KCNMA1: variants seen among roughly 807,000 people sequenced by gnomAD.
KCNMA1 encodes the protein potassium calcium-activated channel subfamily M alpha 1, also known as Calcium-activated potassium channel subunit alpha-1.
Under a neutral mutation model 140.0 loss-of-function variants are expected in KCNMA1, and 29 were observed. The ratio of observed to expected loss-of-function variants is 0.21; its 90% CI spans 0.15 to 0.28. The LOEUF (loss-of-function observed/expected upper bound fraction) is 0.28, where lower values mean the gene tolerates loss of function less well. Ranked by LOEUF, KCNMA1 falls within the 10% of genes least tolerant of loss-of-function variation. KCNMA1 has a pLI of 1.00. For synonymous variants in KCNMA1, 612 were observed against 611.9 expected, an observed-to-expected ratio of 1.00 and a Z score of 0.00; for missense variants, 880 against 1,602.2, an observed-to-expected ratio of 0.55 and a Z score of 7.70.
Position 76,944,957 on chromosome 10 carries a change from T to C in KCNMA1, c.2718A>G (p.Pro906=). ...FPKVSILPGT[P]LSRADLRAVN... ...CAGCCCTTAAATCAGCCCGACTTAA[T>C]GGCGTACCCTTTGGCATAGAGGAAA... Residue 906 remains proline, a synonymous_variant, in exon 23 of 28, where the codon CCA becomes CCG. Transcript: ENST00000286628. The C allele has an allele frequency of 6.2e-7, 1 of 1,612,982 alleles. No homozygotes were observed. Among genetic ancestry groups the C allele is most frequent in the Non-Finnish European group, 8.5e-7 (1 of 1,179,810 alleles).
rs572019265 is a variant in KCNMA1, at chr10:77,198,216, G to A, written c.603-13300C>T. ...TTCATTATAGAAGCAGAGCTGAAGC[G>A]GGTCAGATAAATAAGAGACAGTTAA... On this transcript the variant is annotated intron_variant, in intron 3 of 27. Coordinates refer to ENST00000286628, the MANE Select transcript of KCNMA1 (RefSeq NM_001161352.2). Among the ~76,000 whole-genome samples, 13 of 152,176 alleles carry A rather than the reference G, an allele frequency of 8.5e-5. No individual in the cohort carries two copies. The South Asian group carries it at 2.1e-3, about 24-fold the overall frequency.
At chr10:77,446,289 A>C (rs1425030732) in intron 1 of KCNMA1, among the ~76,000 whole-genome samples, 1 of 152,176 alleles carries the variant, frequency 6.6e-6, no homozygotes, top group Admixed American at 6.5e-5. Flanking sequence ...GAAACAGATA[A>C]GCCATCCAGG....
intron 2 of KCNMA1, among the ~76,000 whole-genome samples, chr10:77,273,372 T>TA (rs775046994): frequency 6.6e-6 from 1 of 152,160 alleles, no homozygotes; most frequent in Non-Finnish European, 1.5e-5. Context: ...AAAAATCCAG[T>TA]AAAGGCTAAA....
intron 2 of KCNMA1, among the ~76,000 whole-genome samples, chr10:77,366,026 A>G (rs1015828922): frequency 6.6e-6 from 1 of 152,206 alleles, no homozygotes; most frequent in Non-Finnish European, 1.5e-5. Flanking sequence ...AGTGAGGTGA[A>G]TAATTCAGTG....
At chr10:77,473,887 A>G (rs1183000346) in intron 1 of KCNMA1, among the ~76,000 whole-genome samples, 2 of 152,206 alleles carry the variant, frequency 1.3e-5, no homozygotes, top group African/African-American at 2.4e-5. Flanking sequence ...AGTTAATATA[A>G]TTATTTTAAT....
chr10:77,405,939 T>C (rs1366434787), intron 1 of KCNMA1, among the ~76,000 whole-genome samples: 1 of 152,136 alleles, frequency 6.6e-6, no homozygotes, highest in Non-Finnish European at 1.5e-5. Flanking sequence ...CCTGCTTCTC[T>C]CCCTCTGGCT....
chr10:77,434,098 T>C (rs1224619621), intron 1 of KCNMA1, among the ~76,000 whole-genome samples: 1 of 152,194 alleles, frequency 6.6e-6, no homozygotes, highest in African/African-American at 2.4e-5. Flanking sequence ...CGTCACCACC[T>C]AGCTTCAAGC....
At chr10:77,039,877 CTTTTTCTTTTTTT>C (rs1397311402) in intron 14 of KCNMA1, among the ~76,000 whole-genome samples, 2 of 78,628 alleles carry the variant, frequency 2.5e-5, no homozygotes, top group East Asian at 6.9e-4. Context: ...TTTCTTTTTT[CTTTTTCTTTTTTT>C]TTTTTTTTTT....
intron 20 of KCNMA1, among the ~76,000 whole-genome samples, chr10:76,960,502 T>C (rs903366757): frequency 1.3e-4 from 19 of 151,100 alleles, no homozygotes; most frequent in Non-Finnish European, 4.4e-5. Context: ...ATCACACTAC[T>C]GCACTCCAGC....
intron 19 of KCNMA1, among the ~76,000 whole-genome samples, chr10:76,993,706 C>T (rs1168597595): frequency 6.6e-6 from 1 of 152,202 alleles, no homozygotes; most frequent in East Asian, 1.9e-4. Flanking sequence ...AAAACAAAGC[C>T]TCTGTTAGGT....
chr10:77,536,708 T>G (rs1244842327), intron 1 of KCNMA1, among the ~76,000 whole-genome samples: 1 of 152,182 alleles, frequency 6.6e-6, no homozygotes, highest in African/African-American at 2.4e-5. Flanking sequence ...CTGATATGTC[T>G]GTCAGCTGGA....
At chr10:77,555,851 A>G (rs2064183143) in intron 1 of KCNMA1, among the ~76,000 whole-genome samples, 1 of 111,286 alleles carries the variant, frequency 9.0e-6, no homozygotes, top group African/African-American at 4.2e-5. Context: ...GAGGCCAGAA[A>G]TCTTGTTTCT....
intron 19 of KCNMA1, among the ~76,000 whole-genome samples, chr10:76,987,668 A>G (rs2153276554): frequency 6.6e-6 from 1 of 152,334 alleles, no homozygotes; most frequent in Admixed American, 6.5e-5. Context: ...AGAAGCAGAG[A>G]GGAAAAGAAT....
Position 77,011,998 on chromosome 10 carries a change from G to T in KCNMA1, c.2061C>A (p.Pro687=), listed in dbSNP as rs201457712. The stretch of plus-strand genomic sequence containing the variant: ...TGCAGCCACATTTTTTTATTCTTTT[G>T]GGATCTGTGATGTCATCATGACAGG... ...CKACHDDITD[P]KRIKKCGCKR... Residue 687 remains proline, a synonymous_variant, in exon 18 of 28, where the codon CCC becomes CCA. Transcript: ENST00000286628. 3.7e-6 allele frequency: 6 copies of T among 1,613,816 alleles called. No homozygotes were observed. In the East Asian group the frequency reaches 1.3e-4, roughly 36 times the overall value.
chr10:77,072,989 A>G lies in KCNMA1; in HGVS notation c.1749+108T>C. 2.9e-6 allele frequency: 3 copies of G among 1,040,138 alleles called. No individual in the cohort carries two copies. In the South Asian group the frequency reaches 3.9e-5, roughly 14 times the overall value. The allele number at this position is 1,040,138 out of a possible 1,614,324, so 64.4% of individuals were successfully genotyped here. On this transcript the variant is annotated intron_variant, in intron 14 of 27. Coordinates refer to ENST00000286628, the MANE Select transcript of KCNMA1 (RefSeq NM_001161352.2). ...GTAACAAGGAATTTCTCCTTAACCC[A>G]AGTGGTTAGAGCCCGTCGATCTGTT...
intron 2 of KCNMA1, among the ~76,000 whole-genome samples, chr10:77,335,165 C>T (rs1364149012): frequency 6.6e-6 from 1 of 152,168 alleles, no homozygotes; most frequent in East Asian, 1.9e-4. Flanking sequence ...CCTCCTCCTC[C>T]CGTCCTCATC....
Position 76,891,582 on chromosome 10 carries a change from C to T in KCNMA1, c.3285G>A (p.Arg1095=). 1.2e-6 allele frequency: 2 copies of T among 1,613,972 alleles called. No individual in the cohort carries two copies. The highest frequency in any genetic ancestry group is 2.7e-5 in the African/African-American group (2 of 75,032). ...GYSTPQTLAN[R]DRCRVAQLAL... is the part of the protein sequence containing the mutation. ...CTAACTGGGCCACGCGGCAGCGGTC[C>T]CTATTGGCCAGTGTCTGCGGGGTGC... The change falls in exon 26 of 28, where the codon AGG becomes AGA. Residue 1095 remains arginine (R), a synonymous_variant. Transcript: ENST00000286628.
intron 2 of KCNMA1, among the ~76,000 whole-genome samples, chr10:77,394,077 G>A (rs1007197674): frequency 1.3e-5 from 2 of 152,224 alleles, no homozygotes; most frequent in African/African-American, 4.8e-5. Context: ...CAATGGGATG[G>A]AAGGCCAAAG....
intron 14 of KCNMA1, among the ~76,000 whole-genome samples, chr10:77,050,240 T>C (rs1187731806): frequency 6.7e-6 from 1 of 149,980 alleles, no homozygotes; most frequent in African/African-American, 2.5e-5. Context: ...ATTCCTAAAT[T>C]CTAAAATTGA....
Sources: allele counts gnomAD v4.1 joint callset (sites outside exome capture counted in the v4.1 genomes callset), GRCh38; gene constraint gnomAD v4.1.1; transcripts MANE v1.5; gene names NCBI Gene and HGNC (gene_info 2026-07-23, HGNC 2026-07-21).